The following BMP7 variants were observed in gnomAD, a reference collection of about 807,000 sequenced individuals.
The protein encoded by BMP7 is osteogenic protein 1.
A neutral mutation model predicts 41.2 loss-of-function variants in BMP7; 12 were observed. The observed-to-expected ratio is 0.29, with a 90% CI of 0.19 to 0.47. The LOEUF (loss-of-function observed/expected upper bound fraction) is 0.47, where lower values mean the gene tolerates loss of function less well. BMP7 is among the 20% of genes least tolerant of loss of function. The pLI, the probability that BMP7 is intolerant of heterozygous loss-of-function variation, is 0.99. For synonymous variants in BMP7, 248 were observed against 250.0 expected (o/e 0.99, Z 0.07); for missense variants, 467 against 606.0 (o/e 0.77, Z 2.41).
At chr20:57,184,026 T>G in intron 3 of BMP7, 107 bp from the exon 4 acceptor site, 2 of 1,262,420 alleles carry the variant, frequency 1.6e-6, no homozygotes, top group African/African-American at 1.5e-5. Flanking sequence ...GAACTCCTTA[T>G]TCCTCCATCC....
Position 57,183,584 on chromosome 20 carries a change from G to T in BMP7, c.958+138C>A, listed in dbSNP as rs879195062. 49 of 1,117,594 alleles carry T rather than the reference G, an allele frequency of 4.4e-5. No homozygotes were observed. In the South Asian group the frequency reaches 6.0e-4, roughly 14 times the overall value. 69.2% of individuals were successfully genotyped at this position (1,117,594 alleles called of 1,614,324 possible). On this transcript the variant is annotated intron_variant, in intron 4 of 6. Coordinates refer to ENST00000395863, the MANE Select transcript of BMP7 (RefSeq NM_001719.3). ...TGTCCTGTGTAGGGGTGGATTTGGG[G>T]GTTTTCTTCCTGCTATATTTGTTCC... is the stretch of plus-strand genomic sequence containing the variant.
chr20:57,228,143 T>C lies in BMP7; in HGVS notation c.611+86A>G. 3 of 1,471,812 alleles carry C rather than the reference T, an allele frequency of 2.0e-6. No individual in the cohort carries two copies. The East Asian group carries it at 6.8e-5, about 33-fold the overall frequency. The allele number at this position is 1,471,812 out of a possible 1,614,324, so 91.2% of individuals were successfully genotyped here. On this transcript the variant is annotated intron_variant, in intron 2 of 6. Transcript: ENST00000395863. The surrounding 1 kb of genome is among the most constrained non-coding windows in gnomAD (Gnocchi z 4.5). ...GGCCTGGCACGTGGTTGTGCCAATC[T>C]GACCCATCCTCTGGCCCTCACCACC...
chr20:57,200,726 C>T (rs775744470), intron 3 of BMP7, among the ~76,000 whole-genome samples: 19 of 152,158 alleles, frequency 1.2e-4, no homozygotes, highest in Middle Eastern at 3.4e-3. Flanking sequence ...ACCTGGGAGG[C>T]GGAGGTTATA....
At chr20:57,178,607 G>A (rs1983992219) in intron 4 of BMP7, among the ~76,000 whole-genome samples, 1 of 152,090 alleles carries the variant, frequency 6.6e-6, no homozygotes. Flanking sequence ...AGCACACGAT[G>A]CCAAGCAGAA....
At chr20:57,231,389 C>T (rs1399830051) in intron 1 of BMP7, among the ~76,000 whole-genome samples, 1 of 152,204 alleles carries the variant, frequency 6.6e-6, no homozygotes, top group Non-Finnish European at 1.5e-5. Context: ...TGTTTCATGC[C>T]TAGAAGTGGC....
intron 4 of BMP7, among the ~76,000 whole-genome samples, chr20:57,178,485 T>C (rs76200709): frequency 1.1e-3 from 174 of 152,160 alleles, no homozygotes; most frequent in African/African-American, 4.0e-3. Flanking sequence ...GAACCAGCTC[T>C]GGGGCAGCAG....
In BMP7 at chr20:57,173,244, T is replaced by C. The variant is rs909415889; in HGVS notation, c.1102A>G (p.Asn368Asp). ...TGGTTGGTGGCGTTCATGTAGGAGT[T>C]CAGAGGGAAGGCACACTCCCCCTCA... Reference protein sequence around the residue: ...YCEGECAFPLNSYMNATNHAI... With the variant: ...YCEGECAFPLDSYMNATNHAI... Residue 368 changes from asparagine (N) to aspartate (D), a missense_variant, in exon 6 of 7, where the codon AAC becomes GAC. Transcript: ENST00000395863. The C allele has an allele frequency of 1.2e-6, 2 of 1,614,140 alleles. No individual in the cohort carries two copies. Among genetic ancestry groups the C allele is most frequent in the Admixed American group, 1.7e-5 (1 of 60,022 alleles).
intron 1 of BMP7, among the ~76,000 whole-genome samples, chr20:57,234,753 G>T (rs2066041384): frequency 6.6e-6 from 1 of 152,236 alleles, no homozygotes; most frequent in African/African-American, 2.4e-5. Context: ...ACTGAGCTCT[G>T]TAAGAACAGG....
intron 2 of BMP7, among the ~76,000 whole-genome samples, chr20:57,221,932 G>C (rs540323736): frequency 1.3e-5 from 2 of 152,058 alleles, no homozygotes; most frequent in Admixed American, 6.6e-5. Context: ...CATCATGACT[G>C]TTCCCAAAGG....
Position 57,265,937 on chromosome 20 carries a change from C to T in BMP7, c.186G>A (p.Leu62=), listed in dbSNP as rs1165057450. The T allele has an allele frequency of 6.4e-7, 1 of 1,556,428 alleles. No individual in the cohort carries two copies. Among genetic ancestry groups the T allele is most frequent in the Non-Finnish European group, 8.7e-7 (1 of 1,149,750 alleles). The change falls in exon 1 of 7, where the codon TTG becomes TTA. Residue 62 remains leucine, a synonymous_variant. Coordinates refer to ENST00000395863, the MANE Select transcript of BMP7 (RefSeq NM_001719.3). ...REMQREILSI[L]GLPHRPRPHL... ...GCGGGCGCGGGCGGTGGGGCAAGCC[C>T]AAAATGGAGAGGATCTCGCGCTGCA... is the stretch of plus-strand genomic sequence containing the variant.
At chr20:57,226,073 A>G (rs1482684677) in intron 2 of BMP7, 2 of 415,836 alleles carry the variant, frequency 4.8e-6, no homozygotes, top group Non-Finnish European at 9.9e-6. Flanking sequence ...CCTGGCAGGG[A>G]GGACGCCTGG....
intron 1 of BMP7, among the ~76,000 whole-genome samples, chr20:57,263,766 A>T (rs2066162575): frequency 6.6e-6 from 1 of 151,974 alleles, no homozygotes; most frequent in South Asian, 2.1e-4. Context: ...TGTATTTGGA[A>T]TTTTCCTTTA....
At chr20:57,258,867 C>T (rs1438978116) in intron 1 of BMP7, among the ~76,000 whole-genome samples, 1 of 152,080 alleles carries the variant, frequency 6.6e-6, no homozygotes, top group Non-Finnish European at 1.5e-5. Flanking sequence ...ACTAATATAC[C>T]AACGTAAATC....
At chr20:57,236,935 C>T (rs905392165) in intron 1 of BMP7, among the ~76,000 whole-genome samples, 1 of 152,200 alleles carries the variant, frequency 6.6e-6, no homozygotes, top group Admixed American at 6.5e-5. Context: ...TAAATAATCA[C>T]CCAGCAGCTC....
At chr20:57,179,151 C>A (rs1398445729) in intron 4 of BMP7, among the ~76,000 whole-genome samples, 5 of 152,198 alleles carry the variant, frequency 3.3e-5, no homozygotes, top group Non-Finnish European at 5.9e-5. Context: ...TCTTTGATCA[C>A]GGCTGTCCCA....
intron 4 of BMP7, among the ~76,000 whole-genome samples, chr20:57,181,185 C>A (rs1031544296): frequency 2.0e-5 from 3 of 152,190 alleles, no homozygotes; most frequent in African/African-American, 4.8e-5. Context: ...ATGGTTGTGT[C>A]CCAGCTCCTT....
At chr20:57,260,603 G>A (rs1438511371) in intron 1 of BMP7, among the ~76,000 whole-genome samples, 1 of 152,242 alleles carries the variant, frequency 6.6e-6, no homozygotes, top group Non-Finnish European at 1.5e-5. Context: ...CTAATTAAAA[G>A]CAGAGGGTTG....
At chr20:57,175,742 C>T (rs1983909850) in intron 4 of BMP7, among the ~76,000 whole-genome samples, 1 of 152,188 alleles carries the variant, frequency 6.6e-6, no homozygotes, top group Non-Finnish European at 1.5e-5. Context: ...AGAGGGATTG[C>T]TTTTTTCCTA....
chr20:57,187,672 C>T (rs1001521415), intron 3 of BMP7, among the ~76,000 whole-genome samples: 1 of 152,074 alleles, frequency 6.6e-6, no homozygotes, highest in Non-Finnish European at 1.5e-5. Context: ...AAGAGGCCAC[C>T]CTGGTAGAAG....
Sources: gnomAD v4.1 joint callset for allele counts (sites outside exome capture counted in the v4.1 genomes callset) on GRCh38, gnomAD v4.1.1 for gene constraint, Gnocchi (gnomAD v3.1) non-coding constraint, MANE v1.5 for transcripts, NCBI Gene and HGNC (gene_info 2026-07-23, HGNC 2026-07-21) for gene names.